Variants in FGF12 observed in about 807,000 individuals in gnomAD.
The protein encoded by FGF12 is fibroblast growth factor 12, also known as fibroblast growth factor 12B.
Under a neutral mutation model 23.6 loss-of-function variants are expected in FGF12, and 14 were observed. The observed-to-expected ratio is 0.59, with a 90% confidence interval of 0.39 to 0.93. The LOEUF (loss-of-function observed/expected upper bound fraction) is 0.93, where lower values mean the gene tolerates loss of function less well. Ranked by LOEUF, FGF12 falls within the 40% of genes least tolerant of loss-of-function variation. The probability of loss-of-function intolerance (pLI) is 0.00; values close to 1 mark genes in which losing one functional copy is unlikely to be tolerated. For missense variants in FGF12, 175 were observed against 217.8 expected (o/e 0.80, Z 1.24); for synonymous variants, 62 against 77.3 (o/e 0.80, Z 1.04).
chr3:192,185,160 C>A (rs1716383320), intron 4 of FGF12, among the ~76,000 whole-genome samples: 1 of 152,184 alleles, frequency 6.6e-6, no homozygotes, highest in South Asian at 2.1e-4. Flanking sequence ...TCTCTTCTGA[C>A]TCCCGTCATA....
At chr3:192,194,726 AC>A (rs1716973645) in intron 4 of FGF12, among the ~76,000 whole-genome samples, 2 of 152,170 alleles carry the variant, frequency 1.3e-5, no homozygotes, top group Admixed American at 1.3e-4. Context: ...TATCTTTGAA[AC>A]ATTGTGGAGT....
intron 3 of FGF12, among the ~76,000 whole-genome samples, chr3:192,350,536 G>T (rs775634881): frequency 3.9e-5 from 6 of 152,062 alleles, no homozygotes; most frequent in Non-Finnish European, 8.8e-5. Context: ...AGATCTTTTT[G>T]AGAAAAGGCT....
intron 2 of FGF12, among the ~76,000 whole-genome samples, chr3:192,619,687 G>A (rs1467929637): frequency 6.6e-6 from 1 of 152,088 alleles, no homozygotes; most frequent in Admixed American, 6.6e-5. Flanking sequence ...GATTTTGCTT[G>A]TTTGATTTTC....
chr3:192,597,127 G>GGC (rs1290548436), intron 2 of FGF12, among the ~76,000 whole-genome samples: 1 of 152,034 alleles, frequency 6.6e-6, no homozygotes, highest in African/African-American at 2.4e-5. Flanking sequence ...CCTAGTCCAG[G>GGC]GCCTTGAGTA....
At chr3:192,667,835 A>G (rs1024033809) in intron 2 of FGF12, among the ~76,000 whole-genome samples, 3 of 152,096 alleles carry the variant, frequency 2.0e-5, no homozygotes, top group African/African-American at 7.2e-5. Flanking sequence ...ACATCATGTT[A>G]TGTTGTTAGT....
At chr3:192,535,703 T>A (rs1231880131) in intron 2 of FGF12, among the ~76,000 whole-genome samples, 10 of 152,184 alleles carry the variant, frequency 6.6e-5, no homozygotes, top group Admixed American at 4.6e-4. Flanking sequence ...AAAATTTGCA[T>A]ACAACTTGCT....
chr3:192,689,070 G>T (rs570184792), intron 2 of FGF12, among the ~76,000 whole-genome samples: 1 of 152,144 alleles, frequency 6.6e-6, no homozygotes, highest in Non-Finnish European at 1.5e-5. Flanking sequence ...ATAGATATCA[G>T]AAGATGGAAG....
At chr3:192,522,706 A>G (rs887043573) in intron 2 of FGF12, among the ~76,000 whole-genome samples, 1 of 152,254 alleles carries the variant, frequency 6.6e-6, no homozygotes, top group Non-Finnish European at 1.5e-5. Flanking sequence ...TAATCTATCA[A>G]TAAGGAACTA....
intron 4 of FGF12, among the ~76,000 whole-genome samples, chr3:192,185,438 G>A (rs1379364634): frequency 6.6e-6 from 1 of 152,122 alleles, no homozygotes; most frequent in East Asian, 1.9e-4. Flanking sequence ...GGCTTATGAA[G>A]CCTATTACAG....
chr3:192,531,622 T>G (rs1479430992), intron 2 of FGF12, among the ~76,000 whole-genome samples: 1 of 152,196 alleles, frequency 6.6e-6, no homozygotes, highest in Non-Finnish European at 1.5e-5. Flanking sequence ...TATAATTATT[T>G]TAAAGCAAAT....
intron 2 of FGF12, among the ~76,000 whole-genome samples, chr3:192,664,481 G>A (rs1716781525): frequency 6.6e-6 from 1 of 151,838 alleles, no homozygotes; most frequent in Non-Finnish European, 1.5e-5. Flanking sequence ...GGGCACGGTG[G>A]CTCACGCCTG....
chr3:192,660,160 C>T (rs1422275808), intron 2 of FGF12, among the ~76,000 whole-genome samples: 1 of 151,040 alleles, frequency 6.6e-6, no homozygotes, highest in African/African-American at 2.4e-5. Flanking sequence ...CACATATACA[C>T]CATGGAATAC....
intron 2 of FGF12, among the ~76,000 whole-genome samples, chr3:192,538,107 C>G (rs532668639): frequency 7.9e-5 from 12 of 151,716 alleles, no homozygotes; most frequent in Admixed American, 7.9e-4. Context: ...CCACTGTGCC[C>G]GGCTAATTTT....
chr3:192,368,945 G>GGAC (rs1560088210), intron 2 of FGF12, among the ~76,000 whole-genome samples: 1 of 152,114 alleles, frequency 6.6e-6, no homozygotes, highest in Non-Finnish European at 1.5e-5. Context: ...GTCCTCCAGA[G>GGAC]CCTTCTAAGC....
chr3:192,505,544 T>C lies in FGF12; in HGVS notation c.14-145006A>G, dbSNP rs1724266148. Among the ~76,000 whole-genome samples the C allele has an allele frequency of 2.0e-5, 3 of 152,230 alleles. No individual in the cohort carries two copies. In the South Asian group the frequency reaches 6.2e-4, roughly 31 times the overall value. On this transcript the variant is annotated intron_variant, in intron 2 of 5. Transcript: ENST00000445105. The stretch of plus-strand genomic sequence containing the variant: ...AGATTATATTGGGGTTATAGATTTA[T>C]AAGAGATTTTCTTACTCTACAGAGA...
chr3:192,310,113 C>T (rs1715857369), intron 4 of FGF12, among the ~76,000 whole-genome samples: 1 of 152,046 alleles, frequency 6.6e-6, no homozygotes, highest in Admixed American at 6.6e-5. Flanking sequence ...GTAATAAACA[C>T]AAAAAAGTGC....
chr3:192,689,453 G>C lies in FGF12; in HGVS notation c.13+37728C>G, dbSNP rs373675548. On this transcript the variant is annotated intron_variant, in intron 2 of 5. Coordinates refer to ENST00000445105, the MANE Select transcript of FGF12 (RefSeq NM_004113.6). ...AAACAATAAAAGAACAAAATTATAA[G>C]CTCAACAAAATGATAGAAAACATTA... 9.9e-5 allele frequency among the ~76,000 whole-genome samples: 15 copies of C among 152,022 alleles called. 1 individual carries two copies. Among genetic ancestry groups the C allele is most frequent in the African/African-American group, 3.6e-4 (15 of 41,506 alleles).
chr3:192,206,781 G>A (rs540753436), intron 4 of FGF12, among the ~76,000 whole-genome samples: 2 of 152,098 alleles, frequency 1.3e-5, no homozygotes, highest in Admixed American at 6.6e-5. Context: ...TGAGCAAAAC[G>A]AAGTTAACAG....
chr3:192,466,281 G>C (rs1723010009), intron 2 of FGF12, among the ~76,000 whole-genome samples: 1 of 152,132 alleles, frequency 6.6e-6, no homozygotes, highest in Admixed American at 6.5e-5. Context: ...TGACTGTAAT[G>C]CTGTTATGTC....
Sources: gnomAD v4.1 joint callset for allele counts (sites outside exome capture counted in the v4.1 genomes callset) on GRCh38, gnomAD v4.1.1 for gene constraint, MANE v1.5 for transcripts, NCBI Gene and HGNC (gene_info 2026-07-23, HGNC 2026-07-21) for gene names.